The following LDLRAD3 variants were observed in gnomAD, a reference collection of about 807,000 sequenced individuals.
LDLRAD3 encodes the protein low-density lipoprotein receptor class A domain-containing protein 3.
A neutral mutation model predicts 29.4 loss-of-function variants in LDLRAD3; 20 were observed. The observed-to-expected ratio is 0.68, with a 90% CI of 0.48 to 0.99. The LOEUF (loss-of-function observed/expected upper bound fraction) is 0.99, where lower values mean the gene tolerates loss of function less well. Ranked by LOEUF, LDLRAD3 falls within the 50% of genes least tolerant of loss-of-function variation. The pLI is 0.00. For missense variants in LDLRAD3, 420 were observed against 454.3 expected, an observed-to-expected ratio of 0.92 and a Z score of 0.69; for synonymous variants, 157 against 192.7, an observed-to-expected ratio of 0.81 and a Z score of 1.53.
At chr11:36,039,597 C>T (rs1442080521) in intron 2 of LDLRAD3, among the ~76,000 whole-genome samples, 2 of 152,312 alleles carry the variant, frequency 1.3e-5, no homozygotes, top group East Asian at 3.9e-4. Flanking sequence ...TTGGTTAAAT[C>T]TGTATCAACT....
At chr11:36,028,152 G>T (rs746653292) in intron 1 of LDLRAD3, among the ~76,000 whole-genome samples, 4 of 152,204 alleles carry the variant, frequency 2.6e-5, no homozygotes, top group Admixed American at 2.6e-4. Context: ...TGCATATTGC[G>T]TGGCAGATTA....
intron 2 of LDLRAD3, among the ~76,000 whole-genome samples, chr11:36,061,334 T>C (rs1852696244): frequency 6.6e-6 from 1 of 152,098 alleles, no homozygotes; most frequent in Non-Finnish European, 1.5e-5. Context: ...AGAGACGGGG[T>C]TTCACCATGT....
intron 1 of LDLRAD3, among the ~76,000 whole-genome samples, chr11:35,976,530 G>C (rs901820365): frequency 8.5e-5 from 13 of 152,172 alleles, no homozygotes; most frequent in African/African-American, 2.4e-4. Context: ...TGGAAACACA[G>C]ACATAGACAC....
intron 4 of LDLRAD3, among the ~76,000 whole-genome samples, chr11:36,145,889 G>A (rs1174987626): frequency 6.6e-6 from 1 of 151,698 alleles, no homozygotes; most frequent in Non-Finnish European, 1.5e-5. Context: ...AGGGTCCTCT[G>A]CCTAGGAAAA....
At chr11:36,168,986 G>T (rs1854556850) in intron 4 of LDLRAD3, among the ~76,000 whole-genome samples, 1 of 152,158 alleles carries the variant, frequency 6.6e-6, no homozygotes, top group Non-Finnish European at 1.5e-5. Flanking sequence ...TGTGCAGAAT[G>T]ACATATGAGG....
chr11:36,001,265 A>G (rs946942723), intron 1 of LDLRAD3: 3 of 152,174 alleles, frequency 2.0e-5, no homozygotes, highest in Non-Finnish European at 2.9e-5. Context: ...GGTTAGTTAC[A>G]TATGTATACA....
chr11:36,157,620 C>T (rs529350663), intron 4 of LDLRAD3, among the ~76,000 whole-genome samples: 1 of 152,268 alleles, frequency 6.6e-6, no homozygotes, highest in Non-Finnish European at 1.5e-5. Flanking sequence ...GGGAAGGGAG[C>T]CCCTACTATT....
At chr11:36,069,679 C>T (rs188360821) in intron 2 of LDLRAD3, among the ~76,000 whole-genome samples, 4 of 151,092 alleles carry the variant, frequency 2.6e-5, no homozygotes, top group East Asian at 3.9e-4. Context: ...GGTACTTTTG[C>T]GTATATGAGA....
intron 4 of LDLRAD3, among the ~76,000 whole-genome samples, chr11:36,208,360 C>T (rs1466666064): frequency 4.6e-5 from 7 of 152,186 alleles, no homozygotes; most frequent in Admixed American, 3.3e-4. Context: ...AAGATCAAGG[C>T]GCGAGCAGGT....
intron 2 of LDLRAD3, among the ~76,000 whole-genome samples, chr11:36,041,771 C>T (rs148917538): frequency 5.9e-5 from 9 of 152,194 alleles, no homozygotes; most frequent in South Asian, 2.1e-4. Context: ...TGTTTGGGGT[C>T]GTCTTCCCAA....
intron 5 of LDLRAD3, 53 bp downstream of exon 5, chr11:36,227,483 G>A: frequency 7.4e-7 from 1 of 1,345,340 alleles, no homozygotes. Flanking sequence ...ATTGCGGGGA[G>A]GGGAATAGGT....
chr11:35,983,342 G>C (rs569187136), intron 1 of LDLRAD3, among the ~76,000 whole-genome samples: 2 of 152,244 alleles, frequency 1.3e-5, no homozygotes, highest in African/African-American at 4.8e-5. Flanking sequence ...TGTTTGTAAT[G>C]TGGCTACTAG....
intron 4 of LDLRAD3, chr11:36,197,149 T>A: frequency 6.6e-6 from 1 of 152,124 alleles, no homozygotes; most frequent in Non-Finnish European, 1.5e-5. Flanking sequence ...TTCTTCAGAG[T>A]CAAGCACTGC....
chr11:36,001,336 A>G (rs907625461), intron 1 of LDLRAD3: 1 of 152,180 alleles, frequency 6.6e-6, no homozygotes, highest in Non-Finnish European at 1.5e-5. Flanking sequence ...ATATCTCCTA[A>G]TGCTATCCCT....
intron 2 of LDLRAD3, among the ~76,000 whole-genome samples, chr11:36,057,803 A>T (rs926322556): frequency 3.3e-5 from 5 of 152,162 alleles, no homozygotes; most frequent in African/African-American, 1.2e-4. Flanking sequence ...TTATTTCCTG[A>T]ATGATTGTCC....
At chr11:36,108,180 C>T (rs61878980) in intron 4 of LDLRAD3, among the ~76,000 whole-genome samples, 31,612 of 151,340 alleles carry the variant, frequency 0.21, 3,646 homozygotes, top group South Asian at 0.3. Context: ...ATTAGCTGGG[C>T]GTGGTGGTGG....
intron 1 of LDLRAD3, among the ~76,000 whole-genome samples, chr11:35,993,008 A>C (rs1286604356): frequency 6.6e-6 from 1 of 152,202 alleles, no homozygotes; most frequent in Non-Finnish European, 1.5e-5. Context: ...TCTGGACATG[A>C]GCCATGATAC....
chr11:35,964,824 CAA>C (rs549384383), intron 1 of LDLRAD3, among the ~76,000 whole-genome samples: 43 of 152,002 alleles, frequency 2.8e-4, no homozygotes, highest in African/African-American at 9.6e-4. Context: ...CCTGTCTATA[CAA>C]AAAATACAAA....
intron 2 of LDLRAD3, among the ~76,000 whole-genome samples, chr11:36,067,335 ACACT>A (rs1287172346): frequency 9.9e-5 from 15 of 152,212 alleles, no homozygotes; most frequent in East Asian, 1.9e-4. Flanking sequence ...ATAATCTGTA[ACACT>A]CAATACTACA....
Sources: allele counts gnomAD v4.1 joint callset (sites outside exome capture counted in the v4.1 genomes callset), GRCh38; gene constraint gnomAD v4.1.1; transcripts MANE v1.5; gene names NCBI Gene and HGNC (gene_info 2026-07-23, HGNC 2026-07-21).